NFIA: variants seen among roughly 807,000 people sequenced by gnomAD.
The protein encoded by NFIA is nuclear factor 1 A-type.
NFIA carries 8 observed loss-of-function variants against 62.8 expected under a neutral mutation model. The observed-to-expected ratio is 0.13, with a 90% confidence interval of 0.07 to 0.23. The LOEUF is 0.23. Among genes scored for constraint, NFIA ranks in the 10% least tolerant of loss-of-function variants. The pLI is 1.00. For synonymous variants in NFIA, 235 were observed against 238.1 expected (o/e 0.99, Z 0.12); for missense variants, 410 against 642.1 (o/e 0.64, Z 3.91).
intron 7 of NFIA, among the ~76,000 whole-genome samples, chr1:61,387,478 T>TTTGTTTTG (rs1553180853): frequency 1.4e-5 from 2 of 142,810 alleles, no homozygotes; most frequent in African/African-American, 2.6e-5. Context: ...CTTTTTTTTT[T>TTTGTTTTG]TTTTTTTTTT....
At chr1:61,444,387 C>T (rs556869531) in intron 10 of NFIA, among the ~76,000 whole-genome samples, 1 of 152,282 alleles carries the variant, frequency 6.6e-6, no homozygotes, top group Admixed American at 6.5e-5. Context: ...GCCTCTGAGT[C>T]TGAAATGCCT....
At chr1:61,207,000 G>T (rs1264467746) in intron 2 of NFIA, among the ~76,000 whole-genome samples, 2 of 152,152 alleles carry the variant, frequency 1.3e-5, no homozygotes, top group African/African-American at 2.4e-5. Flanking sequence ...ATGGGAGTTA[G>T]GGGACAGATA....
At chr1:61,083,364 T>C (rs574818948) in intron 1 of NFIA, among the ~76,000 whole-genome samples, 6 of 152,076 alleles carry the variant, frequency 3.9e-5, no homozygotes, top group Admixed American at 6.5e-5. Flanking sequence ...CCCCGCAGCC[T>C]GCGCTGCCGC....
At chr1:61,119,881 A>G (rs1646859381) in intron 2 of NFIA, among the ~76,000 whole-genome samples, 1 of 152,214 alleles carries the variant, frequency 6.6e-6, no homozygotes, top group Non-Finnish European at 1.5e-5. Flanking sequence ...TTGCCTCTGT[A>G]TGCCCTGCTC....
At chr1:61,123,225 G>A (rs542430411) in intron 2 of NFIA, among the ~76,000 whole-genome samples, 3 of 152,288 alleles carry the variant, frequency 2.0e-5, no homozygotes, top group Admixed American at 6.5e-5. Flanking sequence ...CAGCCAGGGC[G>A]GGAAACCTGC....
At chr1:61,224,190 T>G (rs1381264880) in intron 2 of NFIA, among the ~76,000 whole-genome samples, 1 of 152,090 alleles carries the variant, frequency 6.6e-6, no homozygotes, top group African/African-American at 2.4e-5. Flanking sequence ...ATTAGTTTAT[T>G]GTCTTGAACT....
intron 2 of NFIA, among the ~76,000 whole-genome samples, chr1:61,238,388 A>G (rs74090349): frequency 0.01 from 1,556 of 152,340 alleles, 23 homozygotes; most frequent in African/African-American, 0.035. Context: ...AGCATAATTT[A>G]TGAACTTTCA....
In NFIA at chr1:61,455,512, G is replaced by GT; in HGVS notation, c.*192_*193insT. 1.3e-6 allele frequency: 1 copy of GT among 747,924 alleles called. No individual in the cohort carries two copies. The highest frequency in any genetic ancestry group is 2.0e-6 in the Non-Finnish European group (1 of 490,442). The allele number at this position is 747,924 out of a possible 1,614,324, so 46.3% of individuals were successfully genotyped here. A position where few individuals can be genotyped will look rare whatever the true frequency, so the allele number is the denominator to read the frequency against. ...AACAGCAAAGGCCATAACCTTTTGG[G>GT]ATTTTTTTTTTTTTAAAATACTTTA... On this transcript the variant is annotated 3_prime_UTR_variant, in exon 11 of 11. Coordinates refer to ENST00000403491, the MANE Select transcript of NFIA (RefSeq NM_001134673.4).
chr1:61,362,320 A>C (rs1019696542), intron 6 of NFIA, among the ~76,000 whole-genome samples: 1 of 152,204 alleles, frequency 6.6e-6, no homozygotes, highest in Non-Finnish European at 1.5e-5. Context: ...ATCTGAATGC[A>C]CCAGCAGCCT....
chr1:61,304,289 G>C (rs560507375), intron 3 of NFIA, among the ~76,000 whole-genome samples: 1 of 147,568 alleles, frequency 6.8e-6, no homozygotes, highest in Non-Finnish European at 1.5e-5. Flanking sequence ...AAGAAAAAGA[G>C]AGAGAGAGAG....
intron 3 of NFIA, among the ~76,000 whole-genome samples, chr1:61,279,071 CTTTG>C (rs931502355): frequency 6.6e-6 from 1 of 152,106 alleles, no homozygotes; most frequent in African/African-American, 2.4e-5. Flanking sequence ...TTCTGTCATA[CTTTG>C]TTTTTCACCC....
At chr1:61,379,402 C>CTATTTTTTTTTTTTTTTTTTTTTTTT in intron 6 of NFIA, among the ~76,000 whole-genome samples, 1 of 98,264 alleles carries the variant, frequency 1.0e-5, no homozygotes, top group Non-Finnish European at 2.0e-5. Flanking sequence ...TTTTCTTTTT[C>CTATTTTTTTTTTTTTTTTTTTTTTTT]TTTTTTTTTT....
chr1:61,093,462 G>A (rs1000440022), intron 2 of NFIA, among the ~76,000 whole-genome samples: 1 of 152,060 alleles, frequency 6.6e-6, no homozygotes, highest in Non-Finnish European at 1.5e-5. Flanking sequence ...TTTTTTGGCT[G>A]ATCAAGCTAT....
chr1:61,333,047 GCACACACA>G (rs71050120), intron 4 of NFIA, among the ~76,000 whole-genome samples: 1 of 144,688 alleles, frequency 6.9e-6, no homozygotes, highest in Non-Finnish European at 1.5e-5. Context: ...TAGCATGCAC[GCACACACA>G]CACACACACA....
chr1:61,446,577 G>A (rs978450568), intron 10 of NFIA, among the ~76,000 whole-genome samples: 15 of 152,190 alleles, frequency 9.9e-5, no homozygotes, highest in African/African-American at 2.9e-4. Flanking sequence ...GCGTGGAAGT[G>A]CCTGCTGGGG....
chr1:61,316,439 T>C (rs544301771), intron 3 of NFIA, among the ~76,000 whole-genome samples: 3 of 152,104 alleles, frequency 2.0e-5, no homozygotes, highest in Middle Eastern at 3.2e-3. Context: ...CCAGGGACCA[T>C]ATGGCTCTCC....
intron 3 of NFIA, among the ~76,000 whole-genome samples, chr1:61,300,500 A>G (rs916027552): frequency 6.6e-5 from 10 of 152,108 alleles, no homozygotes; most frequent in African/African-American, 2.2e-4. Context: ...CTATTTCTAT[A>G]TATTCTTCGA....
chr1:61,119,152 TTAAA>T (rs1489314217), intron 2 of NFIA, among the ~76,000 whole-genome samples: 8 of 152,170 alleles, frequency 5.3e-5, no homozygotes, highest in Non-Finnish European at 1.2e-4. Flanking sequence ...CTGTGAAATC[TTAAA>T]TATTTGCACG....
intron 2 of NFIA, among the ~76,000 whole-genome samples, chr1:61,175,557 G>A (rs938228457): frequency 2.0e-5 from 3 of 152,126 alleles, no homozygotes; most frequent in Non-Finnish European, 4.4e-5. Flanking sequence ...GTACCAAATG[G>A]TATTTAGCAA....
Sources: gnomAD v4.1 joint callset for allele counts (sites outside exome capture counted in the v4.1 genomes callset) on GRCh38, gnomAD v4.1.1 for gene constraint, MANE v1.5 for transcripts, NCBI Gene and HGNC (gene_info 2026-07-23, HGNC 2026-07-21) for gene names.